Variants in NDUFAF6 observed in about 807,000 individuals in gnomAD.
NDUFAF6 encodes NADH dehydrogenase (ubiquinone) complex I, assembly factor 6.
Under a neutral mutation model 40.8 loss-of-function variants are expected in NDUFAF6, and 45 were observed. The observed-to-expected ratio is 1.10, with a 90% CI of 0.87 to 1.42. The LOEUF (loss-of-function observed/expected upper bound fraction) is 1.42, where lower values mean the gene tolerates loss of function less well. Among genes scored for constraint, NDUFAF6 ranks in the 40% most tolerant of loss-of-function variants. NDUFAF6 has a pLI of 0.00. For missense variants in NDUFAF6, 435 were observed against 418.5 expected, an observed-to-expected ratio of 1.04 and a Z score of -0.34; for synonymous variants, 185 against 155.9, an observed-to-expected ratio of 1.19 and a Z score of -1.39.
downstream of NDUFAF6, among the ~76,000 whole-genome samples, chr8:95,105,013 G>A (rs1240037809): frequency 4.0e-5 from 6 of 149,598 alleles, no homozygotes; most frequent in South Asian, 2.1e-4. Flanking sequence ...TAACAGAAGT[G>A]CACAGAGAAG....
intron 1 of NDUFAF6, among the ~76,000 whole-genome samples, chr8:94,970,670 A>G (rs1031875140): frequency 1.3e-5 from 2 of 152,254 alleles, no homozygotes; most frequent in Non-Finnish European, 2.9e-5. Context: ...CATTCATACA[A>G]TAGAATATTA....
downstream of NDUFAF6, among the ~76,000 whole-genome samples, chr8:95,060,071 G>C (rs1442464271): frequency 1.3e-5 from 2 of 151,302 alleles, no homozygotes; most frequent in African/African-American, 4.8e-5. Flanking sequence ...TGGATTCTTT[G>C]CTGGCTCAGA....
chr8:94,957,971 CTA>C (rs1823225971), upstream of NDUFAF6: 1 of 152,360 alleles, frequency 6.6e-6, no homozygotes, highest in African/African-American at 2.4e-5. Flanking sequence ...CCAACAAACC[CTA>C]TGTCTCGTTT....
At chr8:94,947,902 C>A (rs1448596440) in intron 2 of NDUFAF6, among the ~76,000 whole-genome samples, 1 of 152,190 alleles carries the variant, frequency 6.6e-6, no homozygotes, top group Non-Finnish European at 1.5e-5. Flanking sequence ...ACACTGATTG[C>A]GACTTAAAAG....
intron 1 of NDUFAF6, among the ~76,000 whole-genome samples, chr8:94,973,067 ACT>A (rs1431252615): frequency 2.0e-5 from 3 of 152,024 alleles, no homozygotes; most frequent in Non-Finnish European, 2.9e-5. Flanking sequence ...ACAGAACAAG[ACT>A]CTGTCTCTAA....
intron 1 of NDUFAF6, chr8:94,927,472 A>G (rs906110930): frequency 5.9e-5 from 9 of 152,232 alleles, no homozygotes; most frequent in African/African-American, 2.2e-4. Context: ...GGGGATTGGA[A>G]AAATGTATAG....
chr8:94,946,769 T>A (rs900195410), intron 2 of NDUFAF6, among the ~76,000 whole-genome samples: 8 of 149,398 alleles, frequency 5.4e-5, no homozygotes, highest in Non-Finnish European at 8.9e-5. Context: ...GCAACCTATG[T>A]GAATTCAGGA....
At chr8:94,911,284 C>T (rs941482016) in intron 1 of NDUFAF6, among the ~76,000 whole-genome samples, 7 of 152,148 alleles carry the variant, frequency 4.6e-5, no homozygotes, top group Admixed American at 3.9e-4. Context: ...ACTTAATATT[C>T]ATGAGAGGTT....
At chr8:95,066,200 C>A (rs1361428906) in intron 9 of NDUFAF6, among the ~76,000 whole-genome samples, 1 of 151,692 alleles carries the variant, frequency 6.6e-6, no homozygotes, top group African/African-American at 2.4e-5. Context: ...TAACCTTGAA[C>A]TCCTGAGCTC....
intron 2 of NDUFAF6, among the ~76,000 whole-genome samples, chr8:95,015,298 G>A (rs1827396172): frequency 6.6e-6 from 1 of 152,114 alleles, no homozygotes; most frequent in African/African-American, 2.4e-5. Context: ...CAAACAGCAG[G>A]CATCCCCTAC....
At chr8:95,056,399 G>T (rs1172560559) in intron 8 of NDUFAF6, among the ~76,000 whole-genome samples, 3 of 151,876 alleles carry the variant, frequency 2.0e-5, no homozygotes, top group Non-Finnish European at 2.9e-5. Context: ...TTTTTTGAGA[G>T]ATGGGGTTTT....
intron 4 of NDUFAF6, among the ~76,000 whole-genome samples, chr8:95,111,940 A>T (rs1197905426): frequency 2.0e-5 from 3 of 152,064 alleles, no homozygotes; most frequent in Non-Finnish European, 4.4e-5. Context: ...CCCTGCTTCC[A>T]GTATGGTTCT....
chr8:94,915,576 G>A (rs1819078037), intron 1 of NDUFAF6, among the ~76,000 whole-genome samples: 1 of 152,196 alleles, frequency 6.6e-6, no homozygotes. Flanking sequence ...TTTCCTTTGG[G>A]TGTATACCCA....
intron 1 of NDUFAF6, among the ~76,000 whole-genome samples, chr8:94,959,266 C>T (rs1322775484): frequency 6.6e-6 from 1 of 152,154 alleles, no homozygotes; most frequent in Non-Finnish European, 1.5e-5. Flanking sequence ...GCAGCAGTAA[C>T]CATAACAATC....
At chr8:94,960,510 T>C (rs13281625) in intron 1 of NDUFAF6, among the ~76,000 whole-genome samples, 76,971 of 152,016 alleles carry the variant, frequency 0.51, 19,917 homozygotes, top group East Asian at 0.72. Context: ...AACAAGGAAT[T>C]GAGTGAGCAG....
upstream of NDUFAF6, among the ~76,000 whole-genome samples, chr8:95,020,915 TTTAA>T (rs891411328): frequency 2.0e-5 from 3 of 152,132 alleles, no homozygotes; most frequent in East Asian, 3.9e-4. Flanking sequence ...GGAAGAGGTG[TTTAA>T]TTAGGTGTTT....
At chr8:95,038,040 C>A (rs1829706444) in intron 3 of NDUFAF6, among the ~76,000 whole-genome samples, 1 of 152,142 alleles carries the variant, frequency 6.6e-6, no homozygotes, top group African/African-American at 2.4e-5. Context: ...TGCGCCACCA[C>A]ACCTGGCTAA....
chr8:95,056,827 A>C (rs1402169153), intron 8 of NDUFAF6, among the ~76,000 whole-genome samples: 4 of 150,550 alleles, frequency 2.7e-5, no homozygotes, highest in Non-Finnish European at 4.4e-5. Context: ...AATCGTTTGA[A>C]CCCAGGAGGC....
At chr8:94,956,461 G>A (rs1823081182), upstream of NDUFAF6, among the ~76,000 whole-genome samples, 1 of 152,196 alleles carries the variant, frequency 6.6e-6, no homozygotes, top group Non-Finnish European at 1.5e-5. Context: ...CAGCAGTGTG[G>A]CCAGAGTGCA....
Sources: allele counts gnomAD v4.1 joint callset (sites outside exome capture counted in the v4.1 genomes callset), GRCh38; gene constraint gnomAD v4.1.1; transcripts MANE v1.5; gene names NCBI Gene and HGNC (gene_info 2026-07-23, HGNC 2026-07-21).